Variants in MMP24 observed in about 807,000 individuals in gnomAD.
MMP24 encodes matrix metallopeptidase 24, also known as matrix metalloproteinase-24.
Under a neutral mutation model 62.8 loss-of-function variants are expected in MMP24, and 25 were observed. That is an observed-to-expected ratio of 0.40 (90% CI 0.29 to 0.56). The LOEUF (loss-of-function observed/expected upper bound fraction) is 0.56. Ranked by LOEUF, MMP24 falls within the 20% of genes least tolerant of loss-of-function variation. MMP24 has a pLI of 0.50. For synonymous variants in MMP24, 319 were observed against 350.5 expected (o/e 0.91, Z 1.00); for missense variants, 634 against 853.6 (o/e 0.74, Z 3.21).
chr20:35,233,623 T>G lies in MMP24; in HGVS notation c.246+6639T>G, dbSNP rs146085707. Reference sequence around the variant, plus strand: ...CCACCCTCACCTGGCTTAAAATGACTCTTAGGACAAAGATTATACTATTAT... The same window carrying G: ...CCACCCTCACCTGGCTTAAAATGACGCTTAGGACAAAGATTATACTATTAT... On this transcript the variant is annotated intron_variant, in intron 1 of 8. Transcript: ENST00000246186. Among the ~76,000 whole-genome samples, 4 of 152,288 alleles carry G rather than the reference T, an allele frequency of 2.6e-5. No homozygotes were observed. In the East Asian group the frequency reaches 7.7e-4, roughly 29 times the overall value.
In MMP24 at chr20:35,246,912, T is replaced by C; in HGVS notation, c.319T>C (p.Leu107=). Residue 107 remains leucine, a synonymous_variant, in exon 2 of 9, where the codon TTG becomes CTG. Transcript: ENST00000246186. ...RASALHSAKA[L]QSAVSTMQQF... ...ATCTGCGCTGCACTCAGCGAAGGCC[T>C]TGCAGTCGGCAGTCTCCACTATGCA... 6.2e-7 allele frequency: 1 copy of C among 1,614,050 alleles called. No individual in the cohort carries two copies. Among genetic ancestry groups the C allele is most frequent in the East Asian group, 2.2e-5 (1 of 44,890 alleles).
chr20:35,273,023 A>G (rs943663448), intron 8 of MMP24, among the ~76,000 whole-genome samples: 3 of 152,304 alleles, frequency 2.0e-5, no homozygotes, highest in South Asian at 4.1e-4. Flanking sequence ...CACTCACTCC[A>G]TAATAATAGA....
chr20:35,266,662 C>A (rs766447914), intron 5 of MMP24, among the ~76,000 whole-genome samples: 1 of 152,142 alleles, frequency 6.6e-6, no homozygotes, highest in Non-Finnish European at 1.5e-5. Context: ...GTCTTCAGAC[C>A]AGCAGCATCA....
intron 2 of MMP24, 22 bp downstream of exon 2, chr20:35,247,010 G>A (rs1235938747): frequency 3.7e-6 from 6 of 1,613,450 alleles, no homozygotes; most frequent in African/African-American, 2.7e-5. Flanking sequence ...ATAGGACATT[G>A]TGCCTTTGAA....
At position 35,254,721 on chromosome 20, in the gene MMP24, G is replaced by T. The variant is rs765283797; in HGVS notation, c.784G>T (p.Glu262Ter). 5.0e-6 allele frequency: 8 copies of T among 1,614,104 alleles called. No individual in the cohort carries two copies. The highest frequency in any genetic ancestry group is 6.8e-6 in the Non-Finnish European group (8 of 1,179,984). ...IGGDTHFDSD[E>*]PWTLGNANHD... is the part of the protein sequence containing the mutation. ...AGGAGACACCCACTTTGACTCCGAT[G>T]AGCCATGGACGCTAGGAAATGCCAA... The change falls in exon 4 of 9, where the codon GAG becomes TAG. Residue 262 changes from glutamate to a stop codon, truncating the protein, a stop_gained. Coordinates refer to ENST00000246186, the MANE Select transcript of MMP24 (RefSeq NM_006690.4). LOFTEE classifies it high-confidence loss of function.
At chr20:35,248,735 C>T (rs1325922733) in intron 2 of MMP24, among the ~76,000 whole-genome samples, 1 of 152,190 alleles carries the variant, frequency 6.6e-6, no homozygotes, top group East Asian at 1.9e-4. Flanking sequence ...ACTTCTTCTC[C>T]TGTGCTGTTG....
intron 1 of MMP24, among the ~76,000 whole-genome samples, chr20:35,237,953 A>T (rs1226556652): frequency 6.6e-6 from 1 of 152,126 alleles, no homozygotes. Context: ...GAGGGAAAAA[A>T]CCCAGTTGTA....
At chr20:35,248,680 G>C (rs907672929) in intron 2 of MMP24, among the ~76,000 whole-genome samples, 1 of 152,142 alleles carries the variant, frequency 6.6e-6, no homozygotes, top group African/African-American at 2.4e-5. Flanking sequence ...CTAAAATCCT[G>C]TGTGAACATT....
chr20:35,265,006 A>ACAAGTAAAG (rs552568630), intron 5 of MMP24, among the ~76,000 whole-genome samples: 31 of 152,342 alleles, frequency 2.0e-4, no homozygotes, highest in South Asian at 2.1e-4. Context: ...CAGGACCTCC[A>ACAAGTAAAG]CAAGTAAAGC....
intron 1 of MMP24, 102 bp from the exon 2 acceptor site, chr20:35,246,738 C>A: frequency 7.4e-7 from 1 of 1,358,444 alleles, no homozygotes; most frequent in South Asian, 1.3e-5. Flanking sequence ...GTCCAGGAGT[C>A]ACTGGGGTCA....
At chr20:35,264,360 C>T (rs917956962) in intron 5 of MMP24, among the ~76,000 whole-genome samples, 2 of 152,024 alleles carry the variant, frequency 1.3e-5, no homozygotes, top group African/African-American at 2.4e-5. Flanking sequence ...GGTGATACAG[C>T]GTGATGGGGA....
intron 5 of MMP24, 97 bp downstream of exon 5, chr20:35,264,049 T>C: frequency 7.6e-7 from 1 of 1,311,970 alleles, no homozygotes; most frequent in Non-Finnish European, 1.0e-6. Flanking sequence ...GGGACGTTGC[T>C]ATCATCAGCA....
At chr20:35,268,626 ATCTT>A in intron 6 of MMP24, among the ~76,000 whole-genome samples, 1 of 152,330 alleles carries the variant, frequency 6.6e-6, no homozygotes, top group East Asian at 1.9e-4. Flanking sequence ...CTTTTGTACC[ATCTT>A]TTACAAATCA....
rs370996354 is a variant in MMP24 at position 35,258,947 on chromosome 20, A to AGG, written c.817+4199_817+4200dup. 9.9e-3 allele frequency among the ~76,000 whole-genome samples: 1,499 copies of AGG among 152,172 alleles called. 25 individuals carry two copies. Among genetic ancestry groups the AGG allele is most frequent in the African/African-American group, 0.033 (1,384 of 41,520 alleles). On this transcript the variant is annotated intron_variant, in intron 4 of 8. Transcript: ENST00000246186. ...GTAATCCCAGCACTTTGGGAGGCCG[A>AGG]GGGGGGGCAGATCACCTGAGGTCAG...
chr20:35,265,213 G>C (rs533407403), intron 5 of MMP24, among the ~76,000 whole-genome samples: 1 of 152,284 alleles, frequency 6.6e-6, no homozygotes, highest in South Asian at 2.1e-4. Flanking sequence ...AGGCCGAGGC[G>C]GGCGATTACC....
chr20:35,238,521 A>G (rs1381764086), intron 1 of MMP24, among the ~76,000 whole-genome samples: 1 of 152,118 alleles, frequency 6.6e-6, no homozygotes, highest in Non-Finnish European at 1.5e-5. Flanking sequence ...GGCCTGGGAG[A>G]ACTGGAACTC....
rs1021228594 is a variant in MMP24 at position 35,271,032 on chromosome 20, C to T, written c.1334-537C>T. On this transcript the variant is annotated intron_variant, in intron 7 of 8. Coordinates refer to ENST00000246186, the MANE Select transcript of MMP24 (RefSeq NM_006690.4). This position sits in a 1 kb window ranked among gnomAD's most constrained non-coding sequence, Gnocchi z 4.0. ...TCCAGCCTGGGCAACAAGAGCCAAA[C>T]TCCATCTTAAAAAAAAGAAGTGGCT... Among the ~76,000 whole-genome samples the T allele has an allele frequency of 6.6e-6, 1 of 152,034 alleles. No individual in the cohort carries two copies.
chr20:35,229,455 A>G (rs533243684), intron 1 of MMP24, among the ~76,000 whole-genome samples: 2 of 152,268 alleles, frequency 1.3e-5, no homozygotes, highest in East Asian at 3.8e-4. Flanking sequence ...ATCATCCTTA[A>G]TTTGACAATG....
chr20:35,250,701 G>A (rs1221834698), intron 2 of MMP24, among the ~76,000 whole-genome samples: 1 of 152,142 alleles, frequency 6.6e-6, no homozygotes, highest in Non-Finnish European at 1.5e-5. Flanking sequence ...TTCAATCGTA[G>A]TAGAAGGCAA....
Sources: gnomAD v4.1 joint callset for allele counts (sites outside exome capture counted in the v4.1 genomes callset) on GRCh38, gnomAD v4.1.1 for gene constraint, Gnocchi (gnomAD v3.1) non-coding constraint, MANE v1.5 for transcripts, NCBI Gene and HGNC (gene_info 2026-07-23, HGNC 2026-07-21) for gene names.